The following MACF1 variants were observed in gnomAD, a reference collection of about 807,000 sequenced individuals.
MACF1 encodes microtubule actin crosslinking factor 1.
A neutral mutation model predicts 854.8 loss-of-function variants in MACF1; 193 were observed. That is an observed-to-expected ratio of 0.23 (90% CI 0.20 to 0.25). The LOEUF (loss-of-function observed/expected upper bound fraction) is 0.25, where lower values mean the gene tolerates loss of function less well. Ranked by LOEUF, MACF1 falls within the 10% of genes least tolerant of loss-of-function variation. The pLI, the probability that MACF1 is intolerant of heterozygous loss-of-function variation, is 1.00. For synonymous variants in MACF1, 3,185 were observed against 3,226.7 expected (o/e 0.99, Z 0.44); for missense variants, 7,722 against 8,929.1 (o/e 0.86, Z 5.45).
intron 2 of MACF1, among the ~76,000 whole-genome samples, chr1:39,174,402 G>A (rs181433798): frequency 6.6e-6 from 1 of 152,324 alleles, no homozygotes; most frequent in Non-Finnish European, 1.5e-5. Flanking sequence ...TACTGCTACT[G>A]TGTATGGCAA....
In MACF1 at chr1:39,447,440, G is replaced by A. The variant is rs1457072280; in HGVS notation, c.19614G>A (p.Leu6538=). ...SSKMEERKSK[L]EEALNLATEF... ...TTTTACTTGAAATTCAGTCAAAGCT[G>A]GAAGAGGCCCTCAACTTGGCAACAG... is the stretch of plus-strand genomic sequence containing the variant. Residue 6538 remains leucine (L), a synonymous_variant, in exon 81 of 101, where the codon CTG becomes CTA. Coordinates refer to ENST00000564288, the MANE Select transcript of MACF1 (RefSeq NM_001394062.1). 2 of 1,613,972 alleles carry A rather than the reference G, an allele frequency of 1.2e-6. No homozygotes were observed. The highest frequency in any genetic ancestry group is 1.7e-6 in the Non-Finnish European group (2 of 1,179,966).
Position 39,350,980 on chromosome 1 carries a change from G to C in MACF1, c.11161G>C (p.Glu3721Gln). The C allele has an allele frequency of 6.2e-7, 1 of 1,614,128 alleles. No homozygotes were observed. The highest frequency in any genetic ancestry group is 1.3e-5 in the African/African-American group (1 of 75,052). The stretch of plus-strand genomic sequence containing the variant: ...ACGTGTGGCCCAGAAGGAACTGGAG[G>C]AAGCAGTGACCTCCGCCTTACAGCA... ...ETRVAQKELE[E>Q]AVTSALQQET... The change falls in exon 43 of 101, where the codon GAA becomes CAA. Residue 3721 changes from glutamate (E) to glutamine (Q), a missense_variant. Around this residue, in one of 15 missense-constraint regions of MACF1, gnomAD observed 2,807 missense variants for 3,235.8 expected, o/e 0.87. Transcript: ENST00000564288.
chr1:39,458,225 C>T, intron 89 of MACF1, 145 bp from the exon 90 acceptor site: 3 of 671,788 alleles, frequency 4.5e-6, no homozygotes, highest in Admixed American at 2.9e-5. Flanking sequence ...AACTACATCC[C>T]TCAGTAACTC....
intron 95 of MACF1, among the ~76,000 whole-genome samples, chr1:39,466,370 ACCT>A (rs1475973338): frequency 6.6e-6 from 1 of 152,010 alleles, no homozygotes; most frequent in Non-Finnish European, 1.5e-5. Context: ...GCTTGGTCAA[ACCT>A]CCTTTCCCCC....
rs1643188724 is a variant in MACF1, at chr1:39,414,344, A to T, written c.15817-8030A>T. The T allele has an allele frequency of 1.9e-6, 3 of 1,613,976 alleles. No homozygotes were observed. The East Asian group carries it at 6.7e-5, about 36-fold the overall frequency. On this transcript the variant is annotated intron_variant, in intron 58 of 100. Transcript: ENST00000564288. ...TCAGAAGAAGGAACACCTGTTCTAG[A>T]GGAGGCTTCCTCCACTGGAATGTGG...
At chr1:39,438,560 A>C (rs1481597075) in intron 71 of MACF1, among the ~76,000 whole-genome samples, 1 of 152,094 alleles carries the variant, frequency 6.6e-6, no homozygotes, top group Non-Finnish European at 1.5e-5. Context: ...TGAGGTGGGC[A>C]GATCACTTGA....
At chr1:39,413,282 C>T (rs372961203) in intron 58 of MACF1, 1 of 1,601,692 alleles carries the variant, frequency 6.2e-7, no homozygotes, top group African/African-American at 1.3e-5. Flanking sequence ...CCAGCTGCTG[C>T]AGTGCCCACC....
At chr1:39,089,916 C>T (rs889296508) in intron 2 of MACF1, among the ~76,000 whole-genome samples, 2 of 152,194 alleles carry the variant, frequency 1.3e-5, no homozygotes, top group African/African-American at 4.8e-5. Context: ...GTTCACATGG[C>T]CCGTTACTGC....
intron 6 of MACF1, among the ~76,000 whole-genome samples, chr1:39,277,153 GA>G (rs35640640): frequency 0.14 from 20,743 of 143,420 alleles, 2,261 homozygotes; most frequent in African/African-American, 0.32. Flanking sequence ...CAGAATGAAT[GA>G]AAAAAAAAAA....
At chr1:39,145,578 C>T (rs146223868) in intron 2 of MACF1, among the ~76,000 whole-genome samples, 2 of 152,120 alleles carry the variant, frequency 1.3e-5, no homozygotes, top group Non-Finnish European at 2.9e-5. Flanking sequence ...CTTTAGTCAT[C>T]GTGAGCCACT....
intron 49 of MACF1, among the ~76,000 whole-genome samples, chr1:39,363,669 G>A (rs537009974): frequency 6.6e-6 from 1 of 151,002 alleles, no homozygotes; most frequent in South Asian, 2.1e-4. Context: ...AAGTGCAGTG[G>A]CACGATCTTG....
chr1:39,102,680 G>A (rs1223099931), intron 2 of MACF1: 11 of 686,954 alleles, frequency 1.6e-5, no homozygotes, highest in Non-Finnish European at 2.7e-5. Flanking sequence ...TAATTTCCTT[G>A]TATTACTCTT....
chr1:39,323,730 T>TA (rs941301329), intron 33 of MACF1, among the ~76,000 whole-genome samples: 11 of 151,098 alleles, frequency 7.3e-5, no homozygotes, highest in East Asian at 1.9e-4. Context: ...GCCTCTCTTA[T>TA]AAAAAAAAAG....
chr1:39,202,359 G>C (rs186838249), upstream of MACF1, among the ~76,000 whole-genome samples: 8 of 151,220 alleles, frequency 5.3e-5, no homozygotes, highest in Non-Finnish European at 1.2e-4. Flanking sequence ...GGTGCTGGCC[G>C]GGCGCAGTGG....
At chr1:39,102,809 A>G (rs767476792) in intron 2 of MACF1, 82 of 702,470 alleles carry the variant, frequency 1.2e-4, no homozygotes, top group Admixed American at 4.6e-4. Context: ...CCAAAAGGAG[A>G]AAGCCTCAGA....
At chr1:39,439,760 C>A (rs1394858954) in intron 72 of MACF1, among the ~76,000 whole-genome samples, 1 of 152,144 alleles carries the variant, frequency 6.6e-6, no homozygotes, top group Non-Finnish European at 1.5e-5. Context: ...CATGTGCCAC[C>A]ATGCCTGGCT....
chr1:39,151,848 T>C (rs1327918891), intron 2 of MACF1, among the ~76,000 whole-genome samples: 1 of 152,164 alleles, frequency 6.6e-6, no homozygotes, highest in African/African-American at 2.4e-5. Context: ...CTCTACAAAT[T>C]TGGCACAGGG....
chr1:39,433,402 T>C (rs896831270), intron 68 of MACF1, among the ~76,000 whole-genome samples: 7 of 152,246 alleles, frequency 4.6e-5, no homozygotes, highest in Non-Finnish European at 8.8e-5. Context: ...GGGGAATTGC[T>C]ACTTATCCTC....
chr1:39,305,381 A>G (rs897550222), intron 23 of MACF1, among the ~76,000 whole-genome samples: 2 of 152,144 alleles, frequency 1.3e-5, no homozygotes, highest in Non-Finnish European at 2.9e-5. Flanking sequence ...TCCTTTCCCA[A>G]AGTTCCACAT....
Sources: allele counts gnomAD v4.1 joint callset (sites outside exome capture counted in the v4.1 genomes callset), GRCh38; gene constraint gnomAD v4.1.1; regional missense constraint gnomAD v4.1.1; transcripts MANE v1.5; gene names NCBI Gene and HGNC (gene_info 2026-07-23, HGNC 2026-07-21).